Variants in HOXA3 observed in about 807,000 individuals in gnomAD.
HOXA3 encodes homeobox A3.
A neutral mutation model predicts 30.3 loss-of-function variants in HOXA3; 8 were observed. The observed-to-expected ratio is 0.26, with a 90% CI of 0.15 to 0.48. HOXA3 has a LOEUF of 0.48. HOXA3 is among the 20% of genes least tolerant of loss of function. The probability of loss-of-function intolerance (pLI) is 0.99; values close to 1 mark genes in which losing one functional copy is unlikely to be tolerated. For synonymous variants in HOXA3, 323 were observed against 273.1 expected (o/e 1.18, Z -1.80); for missense variants, 653 against 614.4 (o/e 1.06, Z -0.66).
rs1248024618 is a variant in HOXA3 at position 27,140,163 on chromosome 7, G to T, written c.-470C>A. ...CTTCTGGACCTAAAATTGACAGTTT[G>T]AATGGCCAGGCGGCACACGTAGCCT... is the stretch of plus-strand genomic sequence containing the variant. On this transcript the variant is annotated 5_prime_UTR_variant, in exon 2 of 6. Transcript: ENST00000612286. 2 of 152,182 alleles carry T rather than the reference G, an allele frequency of 1.3e-5. No individual in the cohort carries two copies. Among genetic ancestry groups the T allele is most frequent in the Non-Finnish European group, 2.9e-5 (2 of 68,044 alleles). 9.4% of individuals were successfully genotyped at this position (152,182 alleles called of 1,614,324 possible). A position where few individuals can be genotyped will look rare whatever the true frequency, so the allele number is the denominator to read the frequency against.
chr7:27,115,989 T>C (rs1212182014), intron 4 of HOXA3: 1 of 152,676 alleles, frequency 6.5e-6, no homozygotes, highest in African/African-American at 2.4e-5. Context: ...TGGTTTGCTA[T>C]TGGTGTTTTG....
chr7:27,130,945 C>A (rs1215689888), intron 2 of HOXA3: 3 of 595,692 alleles, frequency 5.0e-6, no homozygotes, highest in Non-Finnish European at 9.2e-6. Flanking sequence ...CGCCCCGCCC[C>A]GTGCCCCACG....
intron 5 of HOXA3, among the ~76,000 whole-genome samples, chr7:27,109,461 G>T (rs1223129133): frequency 6.6e-6 from 1 of 152,214 alleles, no homozygotes; most frequent in Non-Finnish European, 1.5e-5. Context: ...GAAGGCAGGG[G>T]CAAAGGTAAC....
At chr7:27,143,119 C>G (rs1163770452) in intron 1 of HOXA3, 2 of 1,599,312 alleles carry the variant, frequency 1.3e-6, no homozygotes, top group African/African-American at 2.7e-5. Context: ...TCGGCTCGCT[C>G]TGCGCACTCG....
At chr7:27,131,975 G>C (rs1289766837) in intron 2 of HOXA3, among the ~76,000 whole-genome samples, 1 of 152,192 alleles carries the variant, frequency 6.6e-6, no homozygotes, top group African/African-American at 2.4e-5. Context: ...TTTGGTAATT[G>C]AAATTTGATG....
chr7:27,115,497 C>G (rs1051414558), intron 4 of HOXA3: 1 of 152,262 alleles, frequency 6.6e-6, no homozygotes, highest in Non-Finnish European at 1.5e-5. Flanking sequence ...TCAACCCGCA[C>G]TTTCTCCTCC....
intron 1 of HOXA3, among the ~76,000 whole-genome samples, chr7:27,148,535 C>A (rs1281419357): frequency 6.6e-6 from 1 of 152,260 alleles, no homozygotes; most frequent in Non-Finnish European, 1.5e-5. Flanking sequence ...CCTCCTCCCA[C>A]ATACACATCC....
intron 4 of HOXA3, among the ~76,000 whole-genome samples, chr7:27,118,761 C>T (rs985962572): frequency 6.6e-6 from 1 of 152,238 alleles, no homozygotes; most frequent in Non-Finnish European, 1.5e-5. Flanking sequence ...GGCCCACAGG[C>T]CAGTATATCA....
chr7:27,131,376 G>T (rs1458044650), intron 2 of HOXA3, among the ~76,000 whole-genome samples: 1 of 152,192 alleles, frequency 6.6e-6, no homozygotes, highest in Admixed American at 6.5e-5. Flanking sequence ...TGCTCCTTGC[G>T]TGTCAGCCTG....
intron 1 of HOXA3, among the ~76,000 whole-genome samples, chr7:27,144,458 C>G (rs1387892492): frequency 6.6e-6 from 1 of 152,168 alleles, no homozygotes; most frequent in Admixed American, 6.5e-5. Context: ...ATTTTTCTTT[C>G]GTGTGAATAT....
chr7:27,120,143 T>C (rs1312040495), intron 4 of HOXA3, among the ~76,000 whole-genome samples: 1 of 152,136 alleles, frequency 6.6e-6, no homozygotes, highest in African/African-American at 2.4e-5. Flanking sequence ...GAGGTATTGC[T>C]GGCAAATTCC....
intron 1 of HOXA3, among the ~76,000 whole-genome samples, chr7:27,148,541 C>T (rs958721205): frequency 9.9e-5 from 15 of 152,274 alleles, no homozygotes; most frequent in Admixed American, 9.8e-4. Context: ...CCCACATACA[C>T]ATCCTGTTTG....
chr7:27,110,305 A>G lies in HOXA3; in HGVS notation c.336T>C (p.Pro112=), dbSNP rs1189319454. 1.9e-6 allele frequency: 2 copies of G among 1,047,730 alleles called. No homozygotes were observed. Among genetic ancestry groups the G allele is most frequent in the Non-Finnish European group, 1.2e-6 (1 of 847,698 alleles). 64.9% of individuals were successfully genotyped at this position (1,047,730 alleles called of 1,614,324 possible). A position where few individuals can be genotyped will look rare whatever the true frequency, so the allele number is the denominator to read the frequency against. ...PQPPQPAPQP[P]APTPAAPPPP... Reference sequence around the variant, plus strand: ...GCGGGGGCGCGGCAGGGGTAGGTGCAGGGGGCTGAGGTGCGGGCTGAGGCG... The same window carrying G: ...GCGGGGGCGCGGCAGGGGTAGGTGCGGGGGGCTGAGGTGCGGGCTGAGGCG... The change falls in exon 5 of 6, where the codon CCT becomes CCC. Residue 112 remains proline, a synonymous_variant. Coordinates refer to ENST00000612286, the MANE Select transcript of HOXA3 (RefSeq NM_153631.3).
At chr7:27,150,709 C>T (rs17472063) in intron 1 of HOXA3, 9,136 of 152,606 alleles carry the variant, frequency 0.06, 731 homozygotes, top group African/African-American at 0.19. Context: ...GCAGCCATGA[C>T]GTGCCAGGCG....
chr7:27,138,574 G>C (rs1236984012), intron 2 of HOXA3, among the ~76,000 whole-genome samples: 3 of 152,124 alleles, frequency 2.0e-5, no homozygotes, highest in Non-Finnish European at 4.4e-5. Flanking sequence ...AAATCTACTG[G>C]GTCCCTTGTG....
At chr7:27,147,780 T>C (rs945665082) in intron 1 of HOXA3, 1 of 1,575,110 alleles carries the variant, frequency 6.3e-7, no homozygotes, top group African/African-American at 1.3e-5. Flanking sequence ...CTGTGATTTG[T>C]TGTGTATTAG....
chr7:27,146,525 C>G (rs1263643805), intron 1 of HOXA3, among the ~76,000 whole-genome samples: 1 of 152,196 alleles, frequency 6.6e-6, no homozygotes. Flanking sequence ...CCGCATTAGG[C>G]TCTGTCCTAG....
intron 1 of HOXA3, chr7:27,151,089 G>T (rs529074959): frequency 2.0e-4 from 30 of 152,496 alleles, no homozygotes; most frequent in African/African-American, 6.0e-4. Flanking sequence ...CGCCCCGAGC[G>T]CACGCAGAGC....
intron 4 of HOXA3, among the ~76,000 whole-genome samples, chr7:27,112,332 A>G (rs537784801): frequency 6.4e-4 from 98 of 152,362 alleles, no homozygotes; most frequent in African/African-American, 2.2e-3. Flanking sequence ...TTTGTTAACT[A>G]GAAAAAAAAA....
Sources: gnomAD v4.1 joint callset for allele counts (sites outside exome capture counted in the v4.1 genomes callset) on GRCh38, gnomAD v4.1.1 for gene constraint, MANE v1.5 for transcripts, NCBI Gene and HGNC (gene_info 2026-07-23, HGNC 2026-07-21) for gene names.